Variants in MYH16 observed in about 807,000 individuals in gnomAD.
MYH16 encodes putative uncharacterized protein MYH16.
At chr7:99,253,991 G>C (rs538473945) in intron 8 of MYH16, 11 of 152,428 alleles carry the variant, frequency 7.2e-5, no homozygotes, top group African/African-American at 2.2e-4. Flanking sequence ...GCTCACGCCT[G>C]TAACCCCAGG....
At chr7:99,304,289 C>T (rs1792649151) in intron 39 of MYH16, among the ~76,000 whole-genome samples, 1 of 152,178 alleles carries the variant, frequency 6.6e-6, no homozygotes, top group African/African-American at 2.4e-5. Context: ...CTTTTCTCAC[C>T]CTCCATGCTG....
chr7:99,302,813 T>G (rs1445852256), intron 38 of MYH16, among the ~76,000 whole-genome samples: 1 of 150,786 alleles, frequency 6.6e-6, no homozygotes, highest in East Asian at 1.9e-4. Flanking sequence ...CCTAAGAGAT[T>G]GAGGCCGCAG....
At chr7:99,278,726 C>T (rs923630457) in intron 21 of MYH16, among the ~76,000 whole-genome samples, 4 of 152,212 alleles carry the variant, frequency 2.6e-5, no homozygotes, top group South Asian at 2.1e-4. Context: ...TGCTCTGCCA[C>T]GGCCATCTCT....
At chr7:99,310,112 C>A (rs1792739766), downstream of MYH16, among the ~76,000 whole-genome samples, 1 of 151,054 alleles carries the variant, frequency 6.6e-6, no homozygotes, top group Non-Finnish European at 1.5e-5. Context: ...ATAAATAAAA[C>A]CGATCCTTCA....
chr7:99,256,597 A>C (rs931297012), intron 9 of MYH16, among the ~76,000 whole-genome samples: 1 of 152,202 alleles, frequency 6.6e-6, no homozygotes, highest in East Asian at 1.9e-4. Flanking sequence ...AACATGGTGA[A>C]ACCCCGTCTG....
intron 33 of MYH16, 50 bp from the exon 15 acceptor site, chr7:99,296,651 A>C (rs919052781): frequency 2.2e-6 from 1 of 451,724 alleles, no homozygotes; most frequent in African/African-American, 2.0e-5. Context: ...GGAGTAGGGG[A>C]CAGAGGCAAG....
rs553595343 is a variant in MYH16, at chr7:99,254,960, C to T, written n.893-622C>T. ...GACCAGCCTGGGCAATTTAGCAAGA[C>T]CCTGTCTCTACAAAAACTAAAAAAA... On this transcript the variant is annotated intron_variant and non_coding_transcript_variant, in intron 8 of 41. Coordinates refer to ENST00000439784, the Ensembl canonical transcript of MYH16. Among the ~76,000 whole-genome samples, 3 of 151,978 alleles carry T rather than the reference C, an allele frequency of 2.0e-5. No individual in the cohort carries two copies. The East Asian group carries it at 5.8e-4, about 29-fold the overall frequency.
At chr7:99,297,457 AT>A (rs1177129831) in intron 34 of MYH16, among the ~76,000 whole-genome samples, 1 of 151,958 alleles carries the variant, frequency 6.6e-6, no homozygotes, top group African/African-American at 2.4e-5. Context: ...TAATTAATTA[AT>A]TTAATTTAAT....
At chr7:99,250,396 C>A (rs1246821786) in intron 5 of MYH16, among the ~76,000 whole-genome samples, 2 of 152,136 alleles carry the variant, frequency 1.3e-5, no homozygotes, top group Non-Finnish European at 1.5e-5. Context: ...GCCCTGGCTG[C>A]CCCAGGGGCA....
chr7:99,307,602 T>C (rs972611411), downstream of MYH16, among the ~76,000 whole-genome samples: 1 of 151,888 alleles, frequency 6.6e-6, no homozygotes, highest in Non-Finnish European at 1.5e-5. Context: ...TGCACACCTG[T>C]AGTCCCAGTT....
chr7:99,303,649 A>C lies in MYH16; in HGVS notation n.5263+459A>C, dbSNP rs149922631. Among the ~76,000 whole-genome samples the C allele has an allele frequency of 7.1e-4, 108 of 152,310 alleles. 2 individuals are homozygous for C. The East Asian group carries it at 0.012, about 17-fold the overall frequency. On this transcript the variant is annotated intron_variant and non_coding_transcript_variant, in intron 39 of 41. Transcript: ENST00000439784. Reference sequence around the variant, plus strand: ...GACCCTGTCTCTACTAAAAATGTTAAAAATTAGCCGGGCATCATGGCATGT... The same window carrying C: ...GACCCTGTCTCTACTAAAAATGTTACAAATTAGCCGGGCATCATGGCATGT...
chr7:99,288,394 C>T (rs896734858), intron 29 of MYH16, among the ~76,000 whole-genome samples: 2 of 151,996 alleles, frequency 1.3e-5, no homozygotes, highest in East Asian at 1.9e-4. Flanking sequence ...AGTATGACTG[C>T]ACCACTGCAC....
rs1477958774 is a variant in MYH16 at position 99,273,030 on chromosome 7, A to G, written n.2404-312A>G. Among the ~76,000 whole-genome samples the G allele has an allele frequency of 6.6e-6, 1 of 152,158 alleles. No homozygotes were observed. The highest frequency in any genetic ancestry group is 2.4e-5 in the African/African-American group (1 of 41,446). On this transcript the variant is annotated intron_variant and non_coding_transcript_variant, in intron 19 of 41. An upstream open reading frame in the 5' UTR loses its in-frame stop. Transcript: ENST00000439784. ...TGCAGATCCATGGGATTTGGAGACT[A>G]ATGGGTGATTTCTGGTGGAGGAGGG...
At chr7:99,295,837 A>G (rs1416122781) in intron 33 of MYH16, among the ~76,000 whole-genome samples, 26 of 99,022 alleles carry the variant, frequency 2.6e-4, no homozygotes, top group South Asian at 2.1e-3. Flanking sequence ...CATCTCTTGG[A>G]AAAAAAAAAA....
At chr7:99,288,126 C>T in exon 29 of MYH16, 1 of 456,578 alleles carries the variant, frequency 2.2e-6, no homozygotes, top group Non-Finnish European at 4.4e-6. Context: ...GGAGACGATA[C>T]AGAAGTCCAA....
chr7:99,303,424 A>G (rs1488919166), intron 39 of MYH16, among the ~76,000 whole-genome samples: 1 of 152,274 alleles, frequency 6.6e-6, no homozygotes, highest in East Asian at 1.9e-4. Flanking sequence ...GTGAAAGATT[A>G]TAGCACAAGG....
At chr7:99,269,107 A>G (rs989463082) in intron 18 of MYH16, among the ~76,000 whole-genome samples, 3 of 152,162 alleles carry the variant, frequency 2.0e-5, no homozygotes, top group Non-Finnish European at 2.9e-5. Flanking sequence ...ATTATGTCCT[A>G]TTTGAAGCCT....
At chr7:99,296,524 C>A (rs1346461422) in intron 33 of MYH16, among the ~76,000 whole-genome samples, 177 bp from the exon 15 acceptor site, 3 of 151,858 alleles carry the variant, frequency 2.0e-5, no homozygotes, top group Non-Finnish European at 2.9e-5. Context: ...CAGCTCTTTG[C>A]AGACTCTCTG....
downstream of MYH16, among the ~76,000 whole-genome samples, chr7:99,308,849 T>G (rs1002172): frequency 0.045 from 6,899 of 152,200 alleles, 491 homozygotes; most frequent in East Asian, 0.31. Flanking sequence ...CCCAACACTT[T>G]GGGAGGCCAA....
Sources: gnomAD v4.1 joint callset for allele counts (sites outside exome capture counted in the v4.1 genomes callset) on GRCh38, gnomAD v4.1.1 for gene constraint, MANE v1.5 for transcripts, NCBI Gene and HGNC (gene_info 2026-07-23, HGNC 2026-07-21) for gene names.